PBX3: variants seen among roughly 807,000 people sequenced by gnomAD.
The protein encoded by PBX3 is PBX homeobox 3, also known as pre-B-cell leukemia transcription factor 3.
In PBX3, 14 loss-of-function variants were observed where a neutral mutation model predicts 48.5. The observed-to-expected ratio is 0.29, with a 90% confidence interval of 0.19 to 0.45. PBX3 has a LOEUF of 0.45. Among genes scored for constraint, PBX3 ranks in the 20% least tolerant of loss-of-function variants. The pLI, the probability that PBX3 is intolerant of heterozygous loss-of-function variation, is 1.00. For synonymous variants in PBX3, 210 were observed against 200.3 expected (o/e 1.05, Z -0.41); for missense variants, 386 against 546.7 (o/e 0.71, Z 2.93).
chr9:125,897,140 G>GTT (rs200046509), intron 2 of PBX3, among the ~76,000 whole-genome samples: 8 of 88,774 alleles, frequency 9.0e-5, no homozygotes, highest in East Asian at 8.1e-4. Flanking sequence ...ATTCATTTGT[G>GTT]GTTTTTTTTT....
intron 3 of PBX3, among the ~76,000 whole-genome samples, chr9:125,917,537 CTTCTT>C (rs990379950): frequency 5.3e-5 from 8 of 152,164 alleles, no homozygotes; most frequent in Admixed American, 4.6e-4. Flanking sequence ...TCATCCCTCT[CTTCTT>C]TTATTCTTTC....
chr9:125,852,893 G>A (rs920017801), intron 2 of PBX3, among the ~76,000 whole-genome samples: 1 of 152,000 alleles, frequency 6.6e-6, no homozygotes, highest in Admixed American at 6.6e-5. Context: ...CTTTTTTGTT[G>A]TTAATTAGCA....
At chr9:125,750,790 C>T (rs1042458330) in intron 2 of PBX3, among the ~76,000 whole-genome samples, 1 of 152,188 alleles carries the variant, frequency 6.6e-6, no homozygotes, top group South Asian at 2.1e-4. Flanking sequence ...TTCCTGCTAG[C>T]CTCTCTAAGC....
At chr9:125,920,802 T>A (rs1167990005) in intron 3 of PBX3, among the ~76,000 whole-genome samples, 1 of 152,196 alleles carries the variant, frequency 6.6e-6, no homozygotes, top group Non-Finnish European at 1.5e-5. Flanking sequence ...ATACACTGAA[T>A]GTGCTCAGGA....
At chr9:125,866,972 TA>T (rs1342067418) in intron 2 of PBX3, among the ~76,000 whole-genome samples, 2 of 152,190 alleles carry the variant, frequency 1.3e-5, no homozygotes, top group Non-Finnish European at 2.9e-5. Flanking sequence ...TTGTGTTAGG[TA>T]AACATAAGTT....
At chr9:125,807,501 A>T (rs1308690003) in intron 2 of PBX3, among the ~76,000 whole-genome samples, 1 of 152,140 alleles carries the variant, frequency 6.6e-6, no homozygotes, top group Non-Finnish European at 1.5e-5. Flanking sequence ...TCAGATTGTG[A>T]TTTGATTCTC....
At chr9:125,833,116 A>G (rs112770297) in intron 2 of PBX3, among the ~76,000 whole-genome samples, 5 of 152,310 alleles carry the variant, frequency 3.3e-5, no homozygotes, top group African/African-American at 7.2e-5. Flanking sequence ...TTGAAGTACA[A>G]TTAGGAAGGG....
intron 8 of PBX3, among the ~76,000 whole-genome samples, chr9:125,964,403 A>G (rs1001237253): frequency 2.0e-5 from 3 of 152,130 alleles, no homozygotes; most frequent in African/African-American, 4.8e-5. Context: ...CTGAGGGGGG[A>G]AACAGCTTAC....
chr9:125,939,901 A>G (rs1841922276), intron 5 of PBX3, among the ~76,000 whole-genome samples: 2 of 152,196 alleles, frequency 1.3e-5, no homozygotes, highest in Admixed American at 1.3e-4. Context: ...AAGGAAAGAA[A>G]GGCAATGATA....
intron 2 of PBX3, among the ~76,000 whole-genome samples, chr9:125,848,283 A>AT (rs1422294093): frequency 4.6e-5 from 7 of 152,046 alleles, no homozygotes; most frequent in African/African-American, 9.7e-5. Flanking sequence ...TAGTCTCTTG[A>AT]TTCCAGCAGT....
intron 2 of PBX3, among the ~76,000 whole-genome samples, chr9:125,869,435 G>C (rs1401158214): frequency 6.6e-6 from 1 of 152,118 alleles, no homozygotes; most frequent in East Asian, 1.9e-4. Context: ...AATTCTAACT[G>C]GGATGAATGG....
intron 2 of PBX3, among the ~76,000 whole-genome samples, chr9:125,901,119 G>C (rs914355700): frequency 4.6e-5 from 7 of 151,632 alleles, no homozygotes; most frequent in Admixed American, 2.0e-4. Flanking sequence ...CACCCTTTTT[G>C]TAAGTTACTA....
intron 2 of PBX3, chr9:125,749,394 C>T (rs1040330777): frequency 6.6e-6 from 1 of 152,178 alleles, no homozygotes; most frequent in African/African-American, 2.4e-5. Flanking sequence ...ACTTTCTTGT[C>T]AGACTTTATT....
intron 2 of PBX3, among the ~76,000 whole-genome samples, chr9:125,843,358 G>A (rs1391988544): frequency 6.6e-6 from 1 of 152,178 alleles, no homozygotes; most frequent in Admixed American, 6.5e-5. Flanking sequence ...TCAACCCTAC[G>A]GATGTAGATG....
chr9:125,880,887 T>TA (rs1222504067), intron 2 of PBX3, among the ~76,000 whole-genome samples: 2 of 152,192 alleles, frequency 1.3e-5, no homozygotes, highest in Non-Finnish European at 2.9e-5. Context: ...AAAGTAGAAA[T>TA]AAAAAACTGT....
intron 5 of PBX3, among the ~76,000 whole-genome samples, chr9:125,946,666 T>G (rs1157459497): frequency 6.6e-6 from 1 of 151,894 alleles, no homozygotes; most frequent in Non-Finnish European, 1.5e-5. Flanking sequence ...ATAATGATAT[T>G]GAAGAATACA....
At chr9:125,763,261 G>C (rs7861308) in intron 2 of PBX3, among the ~76,000 whole-genome samples, 5,607 of 152,234 alleles carry the variant, frequency 0.037, 362 homozygotes, top group African/African-American at 0.13. Context: ...TTCATAACCT[G>C]AATTTAATGA....
At chr9:125,829,899 G>T (rs567586197) in intron 2 of PBX3, among the ~76,000 whole-genome samples, 1 of 152,262 alleles carries the variant, frequency 6.6e-6, no homozygotes, top group Admixed American at 6.5e-5. Flanking sequence ...TGTCAAAACT[G>T]CTTTCTATAC....
At chr9:125,893,095 A>G (rs896485056) in intron 2 of PBX3, among the ~76,000 whole-genome samples, 2 of 152,178 alleles carry the variant, frequency 1.3e-5, no homozygotes, top group African/African-American at 4.8e-5. Context: ...CAATGGTGCA[A>G]CCTACCCAAT....
Sources: gnomAD v4.1 joint callset for allele counts (sites outside exome capture counted in the v4.1 genomes callset) on GRCh38, gnomAD v4.1.1 for gene constraint, MANE v1.5 for transcripts, NCBI Gene and HGNC (gene_info 2026-07-23, HGNC 2026-07-21) for gene names.